Variants in EPHB1 observed in about 807,000 individuals in gnomAD.
EPHB1 encodes EPH receptor B1.
Under a neutral mutation model 94.4 loss-of-function variants are expected in EPHB1, and 30 were observed. That is an observed-to-expected ratio of 0.32 (90% confidence interval 0.24 to 0.43). EPHB1 has a LOEUF of 0.43. Among genes scored for constraint, EPHB1 ranks in the 20% least tolerant of loss-of-function variants. The pLI, the probability that EPHB1 is intolerant of heterozygous loss-of-function variation, is 1.00. For synonymous variants in EPHB1, 522 were observed against 489.1 expected (o/e 1.07, Z -0.89); for missense variants, 1,055 against 1,308.3 (o/e 0.81, Z 2.99).
intron 5 of EPHB1, among the ~76,000 whole-genome samples, chr3:135,140,249 G>A (rs1307644261): frequency 6.6e-6 from 1 of 152,102 alleles, no homozygotes; most frequent in African/African-American, 2.4e-5. Context: ...TCATAAAGAG[G>A]CAAAGAGGAT....
In EPHB1 at chr3:135,173,397, C is replaced by T. The variant is rs1941873420; in HGVS notation, c.1759+6391C>T. Among the ~76,000 whole-genome samples the T allele has an allele frequency of 2.0e-5, 3 of 152,258 alleles. No homozygotes were observed. In the South Asian group the frequency reaches 6.2e-4, roughly 32 times the overall value. On this transcript the variant is annotated intron_variant, in intron 9 of 15. Coordinates refer to ENST00000398015, the MANE Select transcript of EPHB1 (RefSeq NM_004441.5). ...TTTCCTTCTTTGGGAGACAGATGTT[C>T]AGTAATAACTGGTTTTTGGGGCAGA...
chr3:134,818,533 T>C (rs1002127214), intron 1 of EPHB1, among the ~76,000 whole-genome samples: 1 of 152,182 alleles, frequency 6.6e-6, no homozygotes, highest in Non-Finnish European at 1.5e-5. Context: ...CCCCTTCAAC[T>C]CTTCCCTCTC....
At chr3:135,111,096 T>G (rs1484258932) in intron 4 of EPHB1, among the ~76,000 whole-genome samples, 2 of 152,178 alleles carry the variant, frequency 1.3e-5, no homozygotes, top group African/African-American at 4.8e-5. Context: ...TAGAGCATTG[T>G]GGGTCTGTAA....
At chr3:135,146,882 G>T (rs1332101389) in intron 5 of EPHB1, among the ~76,000 whole-genome samples, 3 of 152,200 alleles carry the variant, frequency 2.0e-5, no homozygotes, top group African/African-American at 7.2e-5. Flanking sequence ...AGTTTGGGGT[G>T]GTTGCCAAGT....
chr3:135,132,664 A>G, intron 4 of EPHB1, 50 bp from the exon 5 acceptor site: 2 of 1,484,314 alleles, frequency 1.3e-6, no homozygotes, highest in Non-Finnish European at 1.8e-6. Context: ...GAGCTGCCGG[A>G]CAAGGAAGCT....
chr3:135,178,228 G>GGGGA (rs1576448462), intron 9 of EPHB1, among the ~76,000 whole-genome samples: 1 of 148,496 alleles, frequency 6.7e-6, no homozygotes, highest in East Asian at 2.1e-4. Context: ...CCGGGGAGGG[G>GGGGA]GGGTGGATCA....
chr3:134,870,617 C>G (rs551836855), intron 1 of EPHB1, among the ~76,000 whole-genome samples: 1 of 152,250 alleles, frequency 6.6e-6, no homozygotes, highest in Non-Finnish European at 1.5e-5. Context: ...AATGCTGCCC[C>G]AGATTGGCAG....
chr3:135,209,881 A>G (rs1420507458), intron 12 of EPHB1, among the ~76,000 whole-genome samples: 1 of 152,154 alleles, frequency 6.6e-6, no homozygotes, highest in Non-Finnish European at 1.5e-5. Context: ...CTACGGGGCA[A>G]TGGGCCTGGG....
chr3:134,911,868 C>T (rs1173168091), intron 1 of EPHB1, among the ~76,000 whole-genome samples: 5 of 152,144 alleles, frequency 3.3e-5, no homozygotes, highest in Admixed American at 6.5e-5. Context: ...CGTCCCCAAG[C>T]CCCCCACAGC....
At chr3:135,225,693 G>A (rs930609847) in intron 12 of EPHB1, among the ~76,000 whole-genome samples, 1 of 152,032 alleles carries the variant, frequency 6.6e-6, no homozygotes, top group African/African-American at 2.4e-5. Flanking sequence ...CACCTCAGGT[G>A]AGTGGGGATG....
rs550533446 is a variant in EPHB1, at chr3:135,203,318, A to G, written c.2346+1629A>G. 7.5e-4 allele frequency among the ~76,000 whole-genome samples: 114 copies of G among 152,268 alleles called. 1 individual carries two copies. The highest frequency in any genetic ancestry group is 1.7e-3 in the South Asian group (8 of 4,814). ...GCATTCAGGGCTTAAAACCTAGATG[A>G]TGGGTTAATGGGTGCAACAAACCAC... On this transcript the variant is annotated intron_variant, in intron 12 of 15. Transcript: ENST00000398015.
At chr3:135,160,483 A>G (rs1329626932) in intron 6 of EPHB1, among the ~76,000 whole-genome samples, 1 of 152,168 alleles carries the variant, frequency 6.6e-6, no homozygotes, top group African/African-American at 2.4e-5. Flanking sequence ...CATTGTGCCT[A>G]GAACTCATCT....
intron 1 of EPHB1, among the ~76,000 whole-genome samples, chr3:134,882,237 G>A (rs932164441): frequency 1.3e-5 from 2 of 152,106 alleles, no homozygotes; most frequent in Non-Finnish European, 2.9e-5. Flanking sequence ...GACAAAAGAG[G>A]AATGAACTGA....
intron 3 of EPHB1, among the ~76,000 whole-genome samples, chr3:134,994,898 A>G (rs72975503): frequency 0.032 from 4,819 of 152,300 alleles, 248 homozygotes; most frequent in African/African-American, 0.11. Flanking sequence ...GTAACACCTC[A>G]TGTAACTATA....
intron 7 of EPHB1, among the ~76,000 whole-genome samples, 196 bp from the exon 8 acceptor site, chr3:135,165,772 C>G (rs183814126): frequency 6.6e-6 from 1 of 152,182 alleles, no homozygotes; most frequent in Admixed American, 6.5e-5. Flanking sequence ...TTTTCATTGT[C>G]CTTTGTTTTT....
chr3:135,236,284 G>A (rs1168562018), intron 12 of EPHB1, among the ~76,000 whole-genome samples: 1 of 151,904 alleles, frequency 6.6e-6, no homozygotes, highest in African/African-American at 2.4e-5. Context: ...ATCTTCACAT[G>A]GTATTCTCCC....
rs34135757 is a variant in EPHB1 at position 135,048,259 on chromosome 3, C to CTTTTTTTTTTTTTTTTT, written c.806-58182_806-58166dup. Among the ~76,000 whole-genome samples, 62 of 55,204 alleles carry CTTTTTTTTTTTTTTTTT rather than the reference C, an allele frequency of 1.1e-3. 1 individual carries two copies. Among genetic ancestry groups the CTTTTTTTTTTTTTTTTT allele is most frequent in the Admixed American group, 1.8e-3 (7 of 3,926 alleles). 36.2% of individuals were successfully genotyped at this position (55,204 alleles called of 152,430 possible). A position where few individuals can be genotyped will look rare whatever the true frequency, so the allele number is the denominator to read the frequency against. ...TTTTCTTTTTCTTTCTTTCTTTTTTCTTTTTTTTTTTTTTTTTTTTTTTGA... is the reference window on the plus strand; with the variant it reads ...TTTTCTTTTTCTTTCTTTCTTTTTTCTTTTTTTTTTTTTTTTTTTTTTTTTTTTTTTTTTTTTTTTGA... On this transcript the variant is annotated intron_variant, in intron 3 of 15. Coordinates refer to ENST00000398015, the MANE Select transcript of EPHB1 (RefSeq NM_004441.5).
At chr3:134,928,283 G>C (rs2038834159) in intron 2 of EPHB1, among the ~76,000 whole-genome samples, 2 of 152,216 alleles carry the variant, frequency 1.3e-5, no homozygotes, top group Admixed American at 1.3e-4. Flanking sequence ...CTGCATCCCA[G>C]CCATGTTGGA....
At chr3:135,182,145 A>C (rs1357999635) in intron 10 of EPHB1, among the ~76,000 whole-genome samples, 1 of 151,778 alleles carries the variant, frequency 6.6e-6, no homozygotes, top group Admixed American at 6.6e-5. Flanking sequence ...CTCTACCATC[A>C]CTCTCATTTC....
Sources: gnomAD v4.1 joint callset for allele counts (sites outside exome capture counted in the v4.1 genomes callset) on GRCh38, gnomAD v4.1.1 for gene constraint, MANE v1.5 for transcripts, NCBI Gene and HGNC (gene_info 2026-07-23, HGNC 2026-07-21) for gene names.